The following GLIS3 variants were observed in gnomAD, a reference collection of about 807,000 sequenced individuals.
GLIS3 encodes the protein zinc finger protein GLIS3.
In GLIS3, 53 loss-of-function variants were observed where a neutral mutation model predicts 78.6. The observed-to-expected ratio is 0.67, with a 90% confidence interval of 0.54 to 0.85. The LOEUF (loss-of-function observed/expected upper bound fraction) is 0.85, where lower values mean the gene tolerates loss of function less well. GLIS3 is among the 40% of genes least tolerant of loss of function. GLIS3 has a pLI of 0.00. For missense variants in GLIS3, 1,703 were observed against 1,231.1 expected, an observed-to-expected ratio of 1.38 and a Z score of -5.74; for synonymous variants, 684 against 509.9, an observed-to-expected ratio of 1.34 and a Z score of -4.60.
At chr9:3,839,312 G>A (rs1818569290) in intron 9 of GLIS3, among the ~76,000 whole-genome samples, 1 of 152,156 alleles carries the variant, frequency 6.6e-6, no homozygotes, top group Admixed American at 6.5e-5. Context: ...TGGAGCCTTT[G>A]TATTAAAACA....
At chr9:4,347,896 A>G (rs145321628) in intron 1 of GLIS3, among the ~76,000 whole-genome samples, 1 of 152,280 alleles carries the variant, frequency 6.6e-6, no homozygotes, top group African/African-American at 2.4e-5. Context: ...AAAGGGAACA[A>G]TAGAGTGGAG....
At chr9:4,080,417 T>C (rs1177019656) in intron 4 of GLIS3, among the ~76,000 whole-genome samples, 1 of 152,180 alleles carries the variant, frequency 6.6e-6, no homozygotes, top group African/African-American at 2.4e-5. Flanking sequence ...GTATTTAAAA[T>C]AATCAACATT....
chr9:4,174,830 C>T (rs7025049), intron 2 of GLIS3, among the ~76,000 whole-genome samples: 1,799 of 152,294 alleles, frequency 0.012, 39 homozygotes, highest in African/African-American at 0.041. Context: ...GATTCATCTG[C>T]ATTTTATTTA....
intron 7 of GLIS3, among the ~76,000 whole-genome samples, chr9:3,893,070 T>G (rs925580344): frequency 6.6e-6 from 1 of 152,116 alleles, no homozygotes; most frequent in Non-Finnish European, 1.5e-5. Context: ...AGTCTACTTG[T>G]TTTTCCTGAT....
At chr9:4,396,419 A>G in the GLIS3 span, among the ~76,000 whole-genome samples, 1 of 152,192 alleles carries the variant, frequency 6.6e-6, no homozygotes, top group Non-Finnish European at 1.5e-5. Context: ...ATGAGCCACC[A>G]TGCCCAGCCC....
At chr9:4,027,866 C>T (rs1294637341) in intron 4 of GLIS3, among the ~76,000 whole-genome samples, 3 of 152,170 alleles carry the variant, frequency 2.0e-5, no homozygotes, top group African/African-American at 7.2e-5. Flanking sequence ...GCTAATAGGC[C>T]ATCAATCTGT....
chr9:4,445,462 A>G, the GLIS3 span, among the ~76,000 whole-genome samples: 2 of 152,098 alleles, frequency 1.3e-5, no homozygotes, highest in African/African-American at 4.8e-5. Flanking sequence ...CCTAGTCTCT[A>G]CAATAAATAC....
intron 2 of GLIS3, among the ~76,000 whole-genome samples, chr9:4,278,480 T>C (rs995715793): frequency 2.0e-5 from 3 of 152,066 alleles, no homozygotes; most frequent in Non-Finnish European, 2.9e-5. Flanking sequence ...CTGGTCAAAT[T>C]TGGGACAGTT....
chr9:3,890,615 T>C (rs958518235), intron 7 of GLIS3, among the ~76,000 whole-genome samples: 3 of 152,122 alleles, frequency 2.0e-5, no homozygotes, highest in Admixed American at 2.0e-4. Flanking sequence ...GTCAGTATTA[T>C]TATTATTATA....
chr9:3,860,107 C>G (rs746986931), intron 8 of GLIS3, among the ~76,000 whole-genome samples: 2 of 151,818 alleles, frequency 1.3e-5, no homozygotes, highest in Non-Finnish European at 2.9e-5. Flanking sequence ...AAGTCTGTCT[C>G]TACTAAAGAT....
At chr9:4,489,324 AG>A in the GLIS3 span, among the ~76,000 whole-genome samples, 94 of 152,352 alleles carry the variant, frequency 6.2e-4, no homozygotes, top group African/African-American at 2.1e-3. Flanking sequence ...ATCGCTTAAA[AG>A]ATGCTTGTAT....
At chr9:4,264,378 T>C (rs1825800737) in intron 2 of GLIS3, among the ~76,000 whole-genome samples, 1 of 152,238 alleles carries the variant, frequency 6.6e-6, no homozygotes, top group African/African-American at 2.4e-5. Flanking sequence ...ACTGGTTGTC[T>C]TGTTTTCACT....
intron 7 of GLIS3, among the ~76,000 whole-genome samples, chr9:3,881,491 A>G (rs1320897303): frequency 1.3e-5 from 2 of 152,194 alleles, no homozygotes; most frequent in Non-Finnish European, 2.9e-5. Flanking sequence ...GGTCCAACAG[A>G]AAGTGTGCTG....
At chr9:3,863,954 AAG>A (rs1354904922) in intron 8 of GLIS3, among the ~76,000 whole-genome samples, 2 of 151,940 alleles carry the variant, frequency 1.3e-5, no homozygotes, top group Non-Finnish European at 2.9e-5. Flanking sequence ...ATGCAGGACC[AAG>A]AGAGGAGTTT....
the GLIS3 span, among the ~76,000 whole-genome samples, chr9:4,409,352 G>T: frequency 6.6e-6 from 1 of 152,096 alleles, no homozygotes; most frequent in Non-Finnish European, 1.5e-5. Flanking sequence ...GAAATGGGAC[G>T]TCAGAATAAT....
At chr9:4,278,098 G>A (rs190721137) in intron 2 of GLIS3, among the ~76,000 whole-genome samples, 1 of 152,252 alleles carries the variant, frequency 6.6e-6, no homozygotes, top group East Asian at 1.9e-4. Context: ...CCTTGTCGTA[G>A]ACAGAGCAAA....
chr9:3,869,266 G>GGGGTGT (rs374383073), intron 8 of GLIS3, among the ~76,000 whole-genome samples: 15 of 151,146 alleles, frequency 9.9e-5, no homozygotes, highest in Non-Finnish European at 1.5e-4. Flanking sequence ...AATTATCTAG[G>GGGGTGT]GTGTGTGTGT....
intron 2 of GLIS3, among the ~76,000 whole-genome samples, chr9:4,252,664 T>G (rs893337199): frequency 1.3e-5 from 2 of 152,134 alleles, no homozygotes; most frequent in African/African-American, 4.8e-5. Flanking sequence ...GGTGAGGAGT[T>G]GTGATCCTTT....
intron 2 of GLIS3, among the ~76,000 whole-genome samples, chr9:4,209,294 G>C (rs754925830): frequency 1.3e-5 from 2 of 152,068 alleles, no homozygotes; most frequent in Non-Finnish European, 2.9e-5. Context: ...TTTTCAACAG[G>C]TGCTTGTGCT....
Sources: gnomAD v4.1 joint callset for allele counts (sites outside exome capture counted in the v4.1 genomes callset) on GRCh38, gnomAD v4.1.1 for gene constraint, MANE v1.5 for transcripts, NCBI Gene and HGNC (gene_info 2026-07-23, HGNC 2026-07-21) for gene names.